Variants in NXPH1 observed in about 807,000 individuals in gnomAD.
The protein encoded by NXPH1 is neurexophilin-1.
Under a neutral mutation model 23.7 loss-of-function variants are expected in NXPH1, and 5 were observed. The observed-to-expected ratio is 0.21, with a 90% CI of 0.11 to 0.44. NXPH1 has a LOEUF of 0.44. Ranked by LOEUF, NXPH1 falls within the 20% of genes least tolerant of loss-of-function variation. The pLI is 0.99. For synonymous variants in NXPH1, 144 were observed against 122.2 expected, an observed-to-expected ratio of 1.18 and a Z score of -1.18; for missense variants, 324 against 321.6, an observed-to-expected ratio of 1.01 and a Z score of -0.06.
chr7:8,575,902 C>T (rs1818746035), intron 2 of NXPH1, among the ~76,000 whole-genome samples: 1 of 152,050 alleles, frequency 6.6e-6, no homozygotes, highest in South Asian at 2.1e-4. Context: ...TCTCCAGTTT[C>T]TTCCTTCTTT....
chr7:8,636,397 C>A (rs1820219352), intron 2 of NXPH1, among the ~76,000 whole-genome samples: 2 of 152,178 alleles, frequency 1.3e-5, no homozygotes, highest in Non-Finnish European at 2.9e-5. Context: ...AGCAGAATTT[C>A]CAGTAATGCC....
intron 2 of NXPH1, among the ~76,000 whole-genome samples, chr7:8,455,379 G>C (rs1816577825): frequency 1.3e-5 from 2 of 152,136 alleles, no homozygotes; most frequent in African/African-American, 4.8e-5. Flanking sequence ...AGTGTATTGT[G>C]TCTTGGTGCA....
At chr7:8,662,206 A>G (rs1054699946) in intron 2 of NXPH1, among the ~76,000 whole-genome samples, 1 of 151,872 alleles carries the variant, frequency 6.6e-6, no homozygotes, top group Non-Finnish European at 1.5e-5. Flanking sequence ...ATATATATAT[A>G]CACACACATG....
intron 2 of NXPH1, among the ~76,000 whole-genome samples, chr7:8,715,295 T>A (rs1779859330): frequency 6.6e-6 from 1 of 152,140 alleles, no homozygotes; most frequent in Admixed American, 6.5e-5. Context: ...CATGGCGAAC[T>A]GCTGTGAGGG....
intron 2 of NXPH1, among the ~76,000 whole-genome samples, chr7:8,691,860 A>G (rs1194115322): frequency 2.0e-5 from 3 of 152,160 alleles, no homozygotes; most frequent in Non-Finnish European, 4.4e-5. Flanking sequence ...AGAGACTATC[A>G]AGTGCTATGT....
intron 2 of NXPH1, among the ~76,000 whole-genome samples, chr7:8,731,204 G>T (rs904528671): frequency 6.6e-6 from 1 of 151,846 alleles, no homozygotes. Flanking sequence ...GCTCCTTTAA[G>T]CACTTCTCTG....
rs185087824 is a variant in NXPH1, at chr7:8,547,927, G to A, written c.54+112160G>A. On this transcript the variant is annotated intron_variant, in intron 2 of 2. Coordinates refer to ENST00000405863, the MANE Select transcript of NXPH1 (RefSeq NM_152745.3). ...AGGTTGGTTCCATGACTTTGCTATCGCGAATAGTGCTTCAATGAACATACA... is the reference window on the plus strand; with the variant it reads ...AGGTTGGTTCCATGACTTTGCTATCACGAATAGTGCTTCAATGAACATACA... Among the ~76,000 whole-genome samples, 36 of 151,532 alleles carry A rather than the reference G, an allele frequency of 2.4e-4. No individual in the cohort carries two copies. The South Asian group carries it at 3.9e-3, about 17-fold the overall frequency.
At chr7:8,732,459 A>G (rs559321529) in intron 2 of NXPH1, among the ~76,000 whole-genome samples, 1 of 152,338 alleles carries the variant, frequency 6.6e-6, no homozygotes, top group African/African-American at 2.4e-5. Flanking sequence ...CTTGTTATGG[A>G]AAAATCATTT....
intron 2 of NXPH1, among the ~76,000 whole-genome samples, chr7:8,691,555 A>G (rs1821221643): frequency 6.6e-6 from 1 of 152,218 alleles, no homozygotes; most frequent in Non-Finnish European, 1.5e-5. Flanking sequence ...ATTATAATAA[A>G]ATATTTTTTG....
At chr7:8,490,665 A>T (rs985027609) in intron 2 of NXPH1, among the ~76,000 whole-genome samples, 10 of 152,042 alleles carry the variant, frequency 6.6e-5, no homozygotes, top group Non-Finnish European at 1.5e-4. Context: ...TACTAGTATA[A>T]AAATCTGTGT....
At chr7:8,605,155 C>G (rs918514292) in intron 2 of NXPH1, among the ~76,000 whole-genome samples, 37 of 152,010 alleles carry the variant, frequency 2.4e-4, no homozygotes, top group African/African-American at 8.7e-4. Context: ...TAAGGAATGC[C>G]TTATATTTGA....
chr7:8,698,155 C>A (rs1281436185), intron 2 of NXPH1, among the ~76,000 whole-genome samples: 1 of 152,176 alleles, frequency 6.6e-6, no homozygotes, highest in Non-Finnish European at 1.5e-5. Context: ...GGACGTCTTA[C>A]AATGTATGGC....
At chr7:8,440,096 C>T (rs1732695153) in intron 2 of NXPH1, among the ~76,000 whole-genome samples, 1 of 152,218 alleles carries the variant, frequency 6.6e-6, no homozygotes, top group Admixed American at 6.5e-5. Context: ...CTTTTAGATA[C>T]ATACGGGATT....
rs145008912 is a variant in NXPH1, at chr7:8,487,663, T to G, written c.54+51896T>G. 4.3e-3 allele frequency among the ~76,000 whole-genome samples: 659 copies of G among 152,258 alleles called. 2 individuals are homozygous for G. The highest frequency in any genetic ancestry group is 0.014 in the African/African-American group (596 of 41,556). ...TAACACTTTTAAGTGTCTTGAAATA[T>G]AAATCTTTTTACTTCATTCACTAGC... On this transcript the variant is annotated intron_variant, in intron 2 of 2. Transcript: ENST00000405863.
chr7:8,640,191 C>A (rs1657360641), intron 2 of NXPH1, among the ~76,000 whole-genome samples: 1 of 152,062 alleles, frequency 6.6e-6, no homozygotes, highest in African/African-American at 2.4e-5. Context: ...GGCCTTTGGG[C>A]TTCATATCTA....
intron 2 of NXPH1, among the ~76,000 whole-genome samples, chr7:8,613,902 ACG>A (rs936996988): frequency 1.3e-5 from 2 of 151,860 alleles, no homozygotes; most frequent in African/African-American, 4.8e-5. Flanking sequence ...GACTGAACAC[ACG>A]TGTATATATA....
chr7:8,611,708 G>A (rs1353997785), intron 2 of NXPH1, among the ~76,000 whole-genome samples: 1 of 152,098 alleles, frequency 6.6e-6, no homozygotes, highest in East Asian at 1.9e-4. Context: ...TTGGTATGTT[G>A]GAATGCATAA....
At chr7:8,484,915 A>T (rs1043063514) in intron 2 of NXPH1, among the ~76,000 whole-genome samples, 4 of 152,210 alleles carry the variant, frequency 2.6e-5, no homozygotes. Context: ...CTAAAAAAAT[A>T]TACAAGTGAG....
At chr7:8,516,947 C>T (rs1331859652) in intron 2 of NXPH1, among the ~76,000 whole-genome samples, 1 of 151,978 alleles carries the variant, frequency 6.6e-6, no homozygotes, top group Non-Finnish European at 1.5e-5. Flanking sequence ...TTTGTTTTGT[C>T]CTTTAGGGTT....
Sources: gnomAD v4.1 joint callset for allele counts (sites outside exome capture counted in the v4.1 genomes callset) on GRCh38, gnomAD v4.1.1 for gene constraint, MANE v1.5 for transcripts, NCBI Gene and HGNC (gene_info 2026-07-23, HGNC 2026-07-21) for gene names.